The following OSBPL1A variants were observed in gnomAD, a reference collection of about 807,000 sequenced individuals.
OSBPL1A encodes the protein oxysterol binding protein like 1A.
Under a neutral mutation model 137.1 loss-of-function variants are expected in OSBPL1A, and 80 were observed. That is an observed-to-expected ratio of 0.58 (90% CI 0.49 to 0.70). OSBPL1A has a LOEUF of 0.70. OSBPL1A is among the 30% of genes least tolerant of loss of function. OSBPL1A has a pLI of 0.00. For missense variants in OSBPL1A, 970 were observed against 1,129.4 expected (o/e 0.86, Z 2.02); for synonymous variants, 365 against 389.7 (o/e 0.94, Z 0.75).
intron 18 of OSBPL1A, among the ~76,000 whole-genome samples, chr18:24,193,236 C>G (rs146761944): frequency 6.6e-6 from 1 of 152,232 alleles, no homozygotes; most frequent in Admixed American, 6.5e-5. Context: ...CCTGTAATCC[C>G]AGCACTTTTG....
At chr18:24,242,403 TCA>T (rs1373398216) in intron 15 of OSBPL1A, among the ~76,000 whole-genome samples, 7 of 151,486 alleles carry the variant, frequency 4.6e-5, no homozygotes, top group African/African-American at 1.5e-4. Context: ...CTCCTCTAGG[TCA>T]CACTTTCCAT....
intron 15 of OSBPL1A, among the ~76,000 whole-genome samples, chr18:24,270,544 C>A (rs377413622): frequency 6.6e-6 from 1 of 152,134 alleles, no homozygotes; most frequent in African/African-American, 2.4e-5. Context: ...TTTAAAACTC[C>A]AGTCTGGCAA....
At chr18:24,192,328 C>T (rs557807135) in intron 18 of OSBPL1A, among the ~76,000 whole-genome samples, 78 of 152,084 alleles carry the variant, frequency 5.1e-4, no homozygotes, top group Admixed American at 3.5e-3. Context: ...ATGAGGCTTT[C>T]GGATTAAAGA....
At chr18:24,305,443 C>G (rs2090480731) in intron 13 of OSBPL1A, among the ~76,000 whole-genome samples, 1 of 152,154 alleles carries the variant, frequency 6.6e-6, no homozygotes, top group Non-Finnish European at 1.5e-5. Context: ...GTCTTCTGTT[C>G]TAAACAACTT....
intron 18 of OSBPL1A, among the ~76,000 whole-genome samples, chr18:24,187,877 C>T (rs1047816080): frequency 6.6e-6 from 1 of 152,214 alleles, no homozygotes; most frequent in African/African-American, 2.4e-5. Context: ...ACCAGGATGG[C>T]AGGGGTTCAC....
At chr18:24,169,102 G>A (rs148664835) in intron 24 of OSBPL1A, among the ~76,000 whole-genome samples, 15 of 152,288 alleles carry the variant, frequency 9.8e-5, no homozygotes, top group Admixed American at 1.3e-4. Flanking sequence ...CACAGTTCCC[G>A]TGGGCAGGAA....
At chr18:24,170,662 C>T (rs555435092) in intron 23 of OSBPL1A, 206 of 529,388 alleles carry the variant, frequency 3.9e-4, no homozygotes, top group Non-Finnish European at 6.4e-4. Context: ...AAGGTGTGTA[C>T]GACTCACAGA....
At chr18:24,360,245 A>T (rs1250837310) in intron 4 of OSBPL1A, among the ~76,000 whole-genome samples, 2 of 152,242 alleles carry the variant, frequency 1.3e-5, no homozygotes, top group Non-Finnish European at 2.9e-5. Context: ...TGCTGGGATT[A>T]CAGGCATGAG....
In OSBPL1A at chr18:24,361,343, A is replaced by T. The variant is rs557013550; in HGVS notation, c.282+5549T>A. ...TGCCTGGCAGTGATGTTTTTTTGTGACTATAATTATTCTGTAGGAACTTAA... is the reference window on the plus strand; with the variant it reads ...TGCCTGGCAGTGATGTTTTTTTGTGTCTATAATTATTCTGTAGGAACTTAA... On this transcript the variant is annotated intron_variant, in intron 4 of 27. Transcript: ENST00000319481. Among the ~76,000 whole-genome samples the T allele has an allele frequency of 1.5e-3, 233 of 152,208 alleles. 1 individual carries two copies. Among genetic ancestry groups the T allele is most frequent in the African/African-American group, 5.2e-3 (215 of 41,518 alleles).
At chr18:24,371,478 A>G (rs749052834) in intron 2 of OSBPL1A, among the ~76,000 whole-genome samples, 14 of 152,146 alleles carry the variant, frequency 9.2e-5, no homozygotes, top group Non-Finnish European at 1.6e-4. Flanking sequence ...CCCGAGGTCT[A>G]AGACTAACCG....
At position 24,225,111 on chromosome 18, in the gene OSBPL1A, T is replaced by C; in HGVS notation, c.1532A>G (p.Lys511Arg). 1 of 1,614,182 alleles carries C rather than the reference T, an allele frequency of 6.2e-7. No individual in the cohort carries two copies. The highest frequency in any genetic ancestry group is 8.5e-7 in the Non-Finnish European group (1 of 1,180,012). ...GTCTTTTTCTTCGGACATTCTGTGT[T>C]TTCTACTGCCCAAATGCTCTCCTTC... ...EEEGEHLGSR[K>R]HRMSEEKDCG... Residue 511 changes from lysine (K) to arginine (R), a missense_variant, in exon 17 of 28, where the codon AAA (lysine) becomes AGA (arginine). Around this residue, in one of 2 missense-constraint regions of OSBPL1A, gnomAD observed 647 missense variants for 672.6 expected, o/e 0.96. Transcript: ENST00000319481.
In OSBPL1A at chr18:24,203,208, C is replaced by G. The variant is rs140602501; in HGVS notation, c.1602-7008G>C. The stretch of plus-strand genomic sequence containing the variant: ...GCCAGGCTGGTCTCGAACTCCTGAC[C>G]GCAGGTGATCCACCCTCCGTGGCCT... On this transcript the variant is annotated intron_variant, in intron 17 of 27. Coordinates refer to ENST00000319481, the MANE Select transcript of OSBPL1A (RefSeq NM_080597.4). Among the ~76,000 whole-genome samples the G allele has an allele frequency of 0.016, 2,418 of 152,154 alleles. 115 individuals are homozygous for G. In the East Asian group the frequency reaches 0.2, roughly 12 times the overall value.
intron 21 of OSBPL1A, 52 bp downstream of exon 21, chr18:24,177,961 A>G (rs2145919726): frequency 6.5e-7 from 1 of 1,527,454 alleles, no homozygotes; most frequent in Middle Eastern, 1.7e-4. Context: ...GCATGTCTAC[A>G]CTTACAGGCA....
intron 16 of OSBPL1A, among the ~76,000 whole-genome samples, chr18:24,228,253 TCTCC>T (rs761923234): frequency 1.3e-4 from 20 of 148,614 alleles, no homozygotes; most frequent in Non-Finnish European, 2.5e-4. Context: ...TCCTTACTCT[TCTCC>T]CTGTCTCCCT....
At position 24,311,791 on chromosome 18, in the gene OSBPL1A, C is replaced by G. The variant is rs552876501; in HGVS notation, c.1092+193G>C. Among the ~76,000 whole-genome samples the G allele has an allele frequency of 3.9e-5, 6 of 152,350 alleles. No individual in the cohort carries two copies. The East Asian group carries it at 1.2e-3, about 29-fold the overall frequency. On this transcript the variant is annotated intron_variant, in intron 13 of 27. Transcript: ENST00000319481. ...ACATGTCCATCTCATCAGAGCATAT[C>G]TACAAATGCATTTGATAGTATTACC...
chr18:24,232,606 C>T (rs2088316022), intron 16 of OSBPL1A, among the ~76,000 whole-genome samples: 1 of 152,186 alleles, frequency 6.6e-6, no homozygotes, highest in African/African-American at 2.4e-5. Flanking sequence ...CAGAGCTTCC[C>T]AATTTGTCTT....
intron 20 of OSBPL1A, among the ~76,000 whole-genome samples, chr18:24,178,416 C>G (rs1036878219): frequency 1.3e-5 from 2 of 151,974 alleles, no homozygotes; most frequent in African/African-American, 2.4e-5. Context: ...CTCAGCCTCT[C>G]GACTAATTGG....
intron 14 of OSBPL1A, among the ~76,000 whole-genome samples, chr18:24,290,691 AAATAAAT>A (rs1382737874): frequency 6.6e-6 from 1 of 152,160 alleles, no homozygotes; most frequent in Non-Finnish European, 1.5e-5. Context: ...TCCAAAAAAT[AAATAAAT>A]AATAAATAAA....
intron 11 of OSBPL1A, among the ~76,000 whole-genome samples, chr18:24,315,562 AT>A (rs2090703957): frequency 7.5e-6 from 1 of 134,166 alleles, no homozygotes; most frequent in East Asian, 2.0e-4. Flanking sequence ...TATTAATAAT[AT>A]TATGATTATT....
Sources: allele counts gnomAD v4.1 joint callset (sites outside exome capture counted in the v4.1 genomes callset), GRCh38; gene constraint gnomAD v4.1.1; regional missense constraint gnomAD v4.1.1; transcripts MANE v1.5; gene names NCBI Gene and HGNC (gene_info 2026-07-23, HGNC 2026-07-21).